Variants in EBAG9 observed in about 807,000 individuals in gnomAD.
The protein encoded by EBAG9 is estrogen receptor binding site associated antigen 9.
In EBAG9, 16 loss-of-function variants were observed where a neutral mutation model predicts 30.9. The ratio of observed to expected loss-of-function variants is 0.52; its 90% CI spans 0.35 to 0.79. The LOEUF is 0.79. EBAG9 is among the 30% of genes least tolerant of loss of function. EBAG9 has a pLI of 0.01. For synonymous variants in EBAG9, 93 were observed against 82.8 expected (o/e 1.12, Z -0.67); for missense variants, 197 against 242.1 (o/e 0.81, Z 1.24).
Position 109,560,861 on chromosome 8 carries a change from C to G in EBAG9, c.453C>G (p.Thr151=). The change falls in exon 6 of 7, where the codon ACC becomes ACG. Residue 151 remains threonine, a synonymous_variant. Coordinates refer to ENST00000337573, the MANE Select transcript of EBAG9 (RefSeq NM_004215.5). ...AGTCTGAATTAGGTGACTTAGATAC[C>G]TGGCAGGAAAATACCAATGCATGGG... ...HQSSELGDLD[T]WQENTNAWEE... 5 of 1,612,634 alleles carry G rather than the reference C, an allele frequency of 3.1e-6. No individual in the cohort carries two copies. The highest frequency in any genetic ancestry group is 4.2e-6 in the Non-Finnish European group (5 of 1,179,232).
At chr8:109,564,297 A>G in intron 6 of EBAG9, 142 bp from the exon 7 acceptor site, 3 of 1,107,418 alleles carry the variant, frequency 2.7e-6, no homozygotes, top group Non-Finnish European at 3.8e-6. Context: ...AATATTTGGA[A>G]TTTTCAAATT....
Position 109,564,796 on chromosome 8 carries a change from A to G in EBAG9, c.*237A>G, listed in dbSNP as rs1424697881. The G allele has an allele frequency of 2.6e-6, 1 of 388,434 alleles. No individual in the cohort carries two copies. Among genetic ancestry groups the G allele is most frequent in the Non-Finnish European group, 4.6e-6 (1 of 217,368 alleles). The allele number at this position is 388,434 out of a possible 1,614,324, so 24.1% of individuals were successfully genotyped here. Reference sequence around the variant, plus strand: ...CTTCAACATGCTCCAAATATAAGACATTTGTTTGCTGTACAGAAAGTATCA... The same window carrying G: ...CTTCAACATGCTCCAAATATAAGACGTTTGTTTGCTGTACAGAAAGTATCA... On this transcript the variant is annotated 3_prime_UTR_variant, in exon 7 of 7. Transcript: ENST00000337573.
chr8:109,541,048 TA>T (rs1821264005), intron 1 of EBAG9, among the ~76,000 whole-genome samples: 1 of 151,840 alleles, frequency 6.6e-6, no homozygotes. Context: ...TTTTTAATTG[TA>T]TTTTTTTTCC....
At position 109,564,601 on chromosome 8, in the gene EBAG9, C is replaced by G; in HGVS notation, c.*42C>G. 3.7e-6 allele frequency: 6 copies of G among 1,604,628 alleles called. No homozygotes were observed. The highest frequency in any genetic ancestry group is 4.3e-6 in the Non-Finnish European group (5 of 1,174,912). On this transcript the variant is annotated 3_prime_UTR_variant, in exon 7 of 7. Transcript: ENST00000337573. The stretch of plus-strand genomic sequence containing the variant: ...ATCATGCCAGTAGGAGAAATCTCAG[C>G]TCCACAACCCAAGCAACATTTGTAT...
At chr8:109,556,635 G>A (rs894282547) in intron 4 of EBAG9, among the ~76,000 whole-genome samples, 20 of 152,026 alleles carry the variant, frequency 1.3e-4, no homozygotes, top group African/African-American at 3.9e-4. Flanking sequence ...GATACCTGTT[G>A]TTATTTAATA....
intron 1 of EBAG9, among the ~76,000 whole-genome samples, chr8:109,548,527 C>T (rs1482897452): frequency 6.6e-6 from 1 of 152,070 alleles, no homozygotes; most frequent in Non-Finnish European, 1.5e-5. Context: ...AAAGAAAAAA[C>T]CTGCCCAGAT....
chr8:109,560,920 A>T lies in EBAG9; in HGVS notation c.512A>T (p.Glu171Val), dbSNP rs761938955. ...EEEDAAWQAE[E>V]VLRQQKLADR... The stretch of plus-strand genomic sequence containing the variant: ...GAAGATGCAGCCTGGCAAGCAGAAG[A>T]AGTTCTGAGGTATTTGAGTGGCATT... The change falls in exon 6 of 7, where the codon GAA becomes GTA. Residue 171 changes from glutamate (E) to valine (V), a missense_variant. By Grantham distance (121) the Glu-to-Val change is moderately radical. Coordinates refer to ENST00000337573, the MANE Select transcript of EBAG9 (RefSeq NM_004215.5). 1.4e-5 allele frequency: 22 copies of T among 1,612,532 alleles called. No individual in the cohort carries two copies. The highest frequency in any genetic ancestry group is 2.2e-5 in the East Asian group (1 of 44,822).
chr8:109,539,744 C>T (rs1265182085), upstream of EBAG9: 2 of 152,354 alleles, frequency 1.3e-5, no homozygotes, highest in Non-Finnish European at 2.9e-5. Context: ...TGCGCAGAGG[C>T]AACGCAGGCT....
intron 1 of EBAG9, among the ~76,000 whole-genome samples, chr8:109,547,231 G>C (rs914296322): frequency 1.3e-5 from 2 of 152,130 alleles, no homozygotes; most frequent in African/African-American, 2.4e-5. Flanking sequence ...TCATATGGTA[G>C]ATGTTTGTTA....
rs1821476085 is a variant in EBAG9, at chr8:109,550,722, T to G, written c.-15-88T>G. The G allele has an allele frequency of 5.7e-6, 4 of 700,456 alleles. No homozygotes were observed. The South Asian group carries it at 6.9e-5, about 12-fold the overall frequency. The allele number at this position is 700,456 out of a possible 1,614,324, so 43.4% of individuals were successfully genotyped here. A position where few individuals can be genotyped will look rare whatever the true frequency, so the allele number is the denominator to read the frequency against. On this transcript the variant is annotated intron_variant, in intron 1 of 6. Transcript: ENST00000337573. ...GAAAGGTAAAAAATATCTTAGATTT[T>G]TCTTAGTGCATAATAGGTCTTTTCA...
chr8:109,560,957 C>T, intron 6 of EBAG9, 28 bp downstream of exon 6: 1 of 1,579,206 alleles, frequency 6.3e-7, no homozygotes, highest in African/African-American at 1.3e-5. Context: ...ATATTGCAAC[C>T]TGAGTAGAAG....
intron 4 of EBAG9, among the ~76,000 whole-genome samples, chr8:109,556,167 C>G (rs1036082367): frequency 6.6e-6 from 1 of 151,416 alleles, no homozygotes; most frequent in East Asian, 1.9e-4. Flanking sequence ...ATATTTTTAT[C>G]ATATATATAT....
chr8:109,553,947 GGT>G lies in EBAG9; in HGVS notation c.162+5_162+6del. The stretch of plus-strand genomic sequence containing the variant: ...TTATTCATCAGTTCCTAAGCAGGTA[GGT>G]TTTTTTTGTGTGTTCTTTTGTTTTG... On this transcript the variant is annotated splice_donor_5th_base_variant and intron_variant, in intron 3 of 6. Coordinates refer to ENST00000337573, the MANE Select transcript of EBAG9 (RefSeq NM_004215.5). 1 of 1,590,570 alleles carries G rather than the reference GGT, an allele frequency of 6.3e-7. No homozygotes were observed. The highest frequency in any genetic ancestry group is 1.4e-5 in the African/African-American group (1 of 73,432).
At chr8:109,559,598 G>C (rs1258510906) in intron 5 of EBAG9, among the ~76,000 whole-genome samples, 1 of 152,134 alleles carries the variant, frequency 6.6e-6, no homozygotes, top group Non-Finnish European at 1.5e-5. Context: ...GATCACTTGA[G>C]TTCAGGAGTT....
chr8:109,564,402 T>A (rs1442635169), intron 6 of EBAG9, 37 bp from the exon 7 acceptor site: 4 of 1,603,812 alleles, frequency 2.5e-6, no homozygotes, highest in Non-Finnish European at 3.4e-6. Context: ...TTTACCTGTT[T>A]GGTATTTTCT....
At chr8:109,561,890 C>CTTTTT (rs397942472) in intron 6 of EBAG9, among the ~76,000 whole-genome samples, 1 of 118,504 alleles carries the variant, frequency 8.4e-6, no homozygotes, top group Non-Finnish European at 1.8e-5. Context: ...ATATCAAGCC[C>CTTTTT]TTTTTTTTTT....
chr8:109,553,813 A>C, intron 2 of EBAG9, 52 bp from the exon 3 acceptor site: 1 of 1,438,724 alleles, frequency 7.0e-7, no homozygotes, highest in Non-Finnish European at 9.6e-7. Flanking sequence ...TAGTGCTTTT[A>C]CTTTGCTTGT....
At chr8:109,547,723 G>A (rs1021587979) in intron 1 of EBAG9, among the ~76,000 whole-genome samples, 22 of 151,988 alleles carry the variant, frequency 1.4e-4, no homozygotes, top group African/African-American at 2.7e-4. Flanking sequence ...CTCGTGATCC[G>A]CCCGCCTCGG....
intron 4 of EBAG9, among the ~76,000 whole-genome samples, chr8:109,556,537 G>A (rs1821601041): frequency 6.6e-6 from 1 of 152,064 alleles, no homozygotes; most frequent in Non-Finnish European, 1.5e-5. Context: ...TCATATAAGT[G>A]TATTTTGATG....
Sources: gnomAD v4.1 joint callset for allele counts (sites outside exome capture counted in the v4.1 genomes callset) on GRCh38, gnomAD v4.1.1 for gene constraint, MANE v1.5 for transcripts, NCBI Gene and HGNC (gene_info 2026-07-23, HGNC 2026-07-21) for gene names.